STK39: variants seen among roughly 807,000 people sequenced by gnomAD.
STK39 encodes serine/threonine kinase 39.
A neutral mutation model predicts 77.8 loss-of-function variants in STK39; 20 were observed. That is an observed-to-expected ratio of 0.26 (90% CI 0.18 to 0.37). The LOEUF is 0.37. STK39 is among the 10% of genes least tolerant of loss of function. STK39 has a pLI of 1.00. For synonymous variants in STK39, 246 were observed against 234.1 expected (o/e 1.05, Z -0.47); for missense variants, 479 against 656.5 (o/e 0.73, Z 2.95).
chr2:168,072,336 A>C (rs557476757), intron 12 of STK39, among the ~76,000 whole-genome samples: 2 of 152,296 alleles, frequency 1.3e-5, no homozygotes, highest in South Asian at 4.1e-4. Flanking sequence ...GCGGTCTTTC[A>C]GTTTTTATTA....
At chr2:168,033,951 G>C (rs1169689379) in intron 14 of STK39, among the ~76,000 whole-genome samples, 3 of 152,168 alleles carry the variant, frequency 2.0e-5, no homozygotes, top group Non-Finnish European at 2.9e-5. Flanking sequence ...CTCAGTATTA[G>C]TGAAAAAACA....
intron 16 of STK39, among the ~76,000 whole-genome samples, chr2:167,969,049 C>G (rs146938886): frequency 3.5e-4 from 53 of 152,324 alleles, no homozygotes; most frequent in Non-Finnish European, 5.7e-4. Flanking sequence ...ACGAAGTTCA[C>G]TTAGCCTCCT....
chr2:168,069,186 G>C (rs1685875792), intron 12 of STK39, among the ~76,000 whole-genome samples: 1 of 152,204 alleles, frequency 6.6e-6, no homozygotes, highest in Non-Finnish European at 1.5e-5. Context: ...CAAGTGCTGG[G>C]ATTACAGGCA....
chr2:168,189,840 T>C (rs1574540795), intron 1 of STK39, among the ~76,000 whole-genome samples: 1 of 152,218 alleles, frequency 6.6e-6, no homozygotes, highest in Non-Finnish European at 1.5e-5. Context: ...ATTTTAGTCC[T>C]AATATTGATA....
chr2:168,024,246 G>C (rs1684642153), intron 14 of STK39, among the ~76,000 whole-genome samples: 2 of 152,194 alleles, frequency 1.3e-5, no homozygotes, highest in Non-Finnish European at 2.9e-5. Flanking sequence ...GCAGGATGAG[G>C]AGATAATGTG....
chr2:168,132,873 A>G (rs1687734757), intron 8 of STK39, among the ~76,000 whole-genome samples: 1 of 152,172 alleles, frequency 6.6e-6, no homozygotes, highest in Non-Finnish European at 1.5e-5. Flanking sequence ...CTACAGCTCA[A>G]TTTCATACTA....
intron 2 of STK39, among the ~76,000 whole-genome samples, chr2:168,178,877 A>G (rs549818544): frequency 6.6e-6 from 1 of 152,232 alleles, no homozygotes; most frequent in African/African-American, 2.4e-5. Context: ...AGTTGCCTAA[A>G]ACTGTTGTGT....
intron 15 of STK39, among the ~76,000 whole-genome samples, chr2:168,013,601 A>G (rs1684325341): frequency 1.3e-5 from 2 of 152,234 alleles, no homozygotes. Flanking sequence ...CTGGCTCAGC[A>G]GGCTGTAACA....
At chr2:168,040,464 ATCT>A (rs1387635702) in intron 14 of STK39, among the ~76,000 whole-genome samples, 1 of 152,172 alleles carries the variant, frequency 6.6e-6, no homozygotes, top group African/African-American at 2.4e-5. Context: ...CTCAAGTGTA[ATCT>A]TCTTCATGTG....
At chr2:168,079,033 T>C (rs1284324280) in intron 10 of STK39, among the ~76,000 whole-genome samples, 2 of 152,206 alleles carry the variant, frequency 1.3e-5, no homozygotes, top group Admixed American at 6.5e-5. Context: ...TGATGAGAAG[T>C]ATAAAAAATA....
chr2:168,091,696 T>A (rs1409686469), intron 10 of STK39, among the ~76,000 whole-genome samples: 2 of 152,202 alleles, frequency 1.3e-5, no homozygotes, highest in African/African-American at 2.4e-5. Flanking sequence ...ACCTTTTTTT[T>A]AATGAAAATG....
intron 5 of STK39, among the ~76,000 whole-genome samples, chr2:168,152,509 A>G (rs1482351956): frequency 6.6e-6 from 1 of 152,214 alleles, no homozygotes; most frequent in African/African-American, 2.4e-5. Context: ...CAACCGTCAA[A>G]AGGCATAGAG....
At chr2:168,124,735 A>G (rs773500250) in intron 10 of STK39, among the ~76,000 whole-genome samples, 5 of 152,150 alleles carry the variant, frequency 3.3e-5, no homozygotes, top group Non-Finnish European at 7.3e-5. Context: ...AAAGCATATG[A>G]ATATGAGTGT....
At chr2:167,972,595 G>A (rs905288168) in intron 16 of STK39, among the ~76,000 whole-genome samples, 7 of 152,094 alleles carry the variant, frequency 4.6e-5, no homozygotes, top group African/African-American at 1.2e-4. Flanking sequence ...TCCCCTCCAC[G>A]AACCATCTTA....
At chr2:168,236,271 T>C (rs1346744391) in intron 1 of STK39, among the ~76,000 whole-genome samples, 2 of 152,266 alleles carry the variant, frequency 1.3e-5, no homozygotes, top group Non-Finnish European at 2.9e-5. Context: ...AAGTGTCTGT[T>C]CATATCCTTC....
chr2:167,961,884 G>A (rs1446559692), intron 17 of STK39, among the ~76,000 whole-genome samples: 1 of 152,160 alleles, frequency 6.6e-6, no homozygotes, highest in Non-Finnish European at 1.5e-5. Flanking sequence ...TTCACATCTT[G>A]GGAACCCCAG....
At chr2:167,985,407 A>G (rs998209860) in intron 16 of STK39, among the ~76,000 whole-genome samples, 8 of 152,196 alleles carry the variant, frequency 5.3e-5, no homozygotes, top group Non-Finnish European at 7.3e-5. Flanking sequence ...GCAGCTTGTA[A>G]TATGTCCTGA....
At chr2:168,148,499 G>GC (rs1688199718) in intron 5 of STK39, among the ~76,000 whole-genome samples, 1 of 152,196 alleles carries the variant, frequency 6.6e-6, no homozygotes, top group Non-Finnish European at 1.5e-5. Flanking sequence ...CCTGCGCTGT[G>GC]CTCAGCAGAA....
intron 1 of STK39, among the ~76,000 whole-genome samples, chr2:168,241,175 A>G (rs1396820836): frequency 6.6e-6 from 1 of 152,204 alleles, no homozygotes; most frequent in East Asian, 1.9e-4. Flanking sequence ...GACAGGCTTG[A>G]GAATATTTAT....
Sources: allele counts gnomAD v4.1 joint callset (sites outside exome capture counted in the v4.1 genomes callset), GRCh38; gene constraint gnomAD v4.1.1; transcripts MANE v1.5; gene names NCBI Gene and HGNC (gene_info 2026-07-23, HGNC 2026-07-21).